CHD7: variants seen among roughly 807,000 people sequenced by gnomAD.
CHD7 encodes the protein ATP-dependent chromatin remodeler CHD7.
A neutral mutation model predicts 307.3 loss-of-function variants in CHD7; 24 were observed. The ratio of observed to expected loss-of-function variants is 0.08; its 90% CI spans 0.06 to 0.11. CHD7 has a LOEUF of 0.11. Ranked by LOEUF, CHD7 falls within the 10% of genes least tolerant of loss-of-function variation. CHD7 has a pLI of 1.00. For synonymous variants in CHD7, 1,363 were observed against 1,349.9 expected (o/e 1.01, Z -0.21); for missense variants, 3,106 against 3,727.1 (o/e 0.83, Z 4.34).
rs1162707361 is a variant in CHD7, at chr8:60,865,945, T to G, written c.*12T>G. 6.3e-7 allele frequency: 1 copy of G among 1,584,220 alleles called. No individual in the cohort carries two copies. The highest frequency in any genetic ancestry group is 8.6e-7 in the Non-Finnish European group (1 of 1,164,364). On this transcript the variant is annotated 3_prime_UTR_variant, in exon 38 of 38. Transcript: ENST00000423902. The surrounding 1 kb of genome is among the most constrained non-coding windows in gnomAD (Gnocchi z 4.3). Reference sequence around the variant, plus strand: ...AAAATGATGAATAACCAGTACCAGTTCCAGTTCAAGTGTTTAAAACTTTTG... The same window carrying G: ...AAAATGATGAATAACCAGTACCAGTGCCAGTTCAAGTGTTTAAAACTTTTG...
Position 60,718,487 on chromosome 8 carries a change from AAAAG to A in CHD7, c.-174-22767_-174-22764del, listed in dbSNP as rs549272780. ...GAGACTCCATCTCAAAAGAAAAAAA[AAAAG>A]AAAGTTTGAAAAGTAAAAAACTAAA... On this transcript the variant is annotated intron_variant, in intron 1 of 37. Coordinates refer to ENST00000423902, the MANE Select transcript of CHD7 (RefSeq NM_017780.4). 3.0e-4 allele frequency among the ~76,000 whole-genome samples: 46 copies of A among 152,294 alleles called. No homozygotes were observed. In the South Asian group the frequency reaches 6.4e-3, roughly 21 times the overall value.
rs539860208 is a variant in CHD7, at chr8:60,760,329, T to C, written c.1665+17232T>C. Among the ~76,000 whole-genome samples the C allele has an allele frequency of 2.5e-4, 38 of 150,984 alleles. No individual in the cohort carries two copies. The East Asian group carries it at 5.8e-3, about 23-fold the overall frequency. ...AACTGGATCCCTTCCTTACACCTTATACAAAAATCAATTCAAGATGGATTA... is the reference window on the plus strand; with the variant it reads ...AACTGGATCCCTTCCTTACACCTTACACAAAAATCAATTCAAGATGGATTA... On this transcript the variant is annotated intron_variant, in intron 2 of 37. Coordinates refer to ENST00000423902, the MANE Select transcript of CHD7 (RefSeq NM_017780.4).
intron 6 of CHD7, among the ~76,000 whole-genome samples, chr8:60,803,582 A>C (rs1465259829): frequency 6.6e-6 from 1 of 152,172 alleles, no homozygotes; most frequent in African/African-American, 2.4e-5. Context: ...AAATTAATGG[A>C]AAAAATTCTT....
chr8:60,834,088 G>C (rs897133530), intron 15 of CHD7, among the ~76,000 whole-genome samples: 5 of 151,938 alleles, frequency 3.3e-5, no homozygotes, highest in African/African-American at 1.2e-4. Flanking sequence ...TATTCTTTTT[G>C]ATAGTATAAA....
At chr8:60,831,746 G>A (rs1426794014) in intron 15 of CHD7, among the ~76,000 whole-genome samples, 1 of 152,100 alleles carries the variant, frequency 6.6e-6, no homozygotes, top group African/African-American at 2.4e-5. Flanking sequence ...TGTACACGAT[G>A]ATAGTTGGCC....
At chr8:60,776,206 G>C (rs774675103) in intron 2 of CHD7, among the ~76,000 whole-genome samples, 3 of 152,116 alleles carry the variant, frequency 2.0e-5, no homozygotes, top group Non-Finnish European at 4.4e-5. Context: ...AAATTGTTAA[G>C]AATGAGCTGA....
chr8:60,681,550 C>G (rs1011263036), intron 1 of CHD7, among the ~76,000 whole-genome samples: 1 of 152,018 alleles, frequency 6.6e-6, no homozygotes, highest in African/African-American at 2.4e-5. Context: ...AAAAATCTGT[C>G]TTGTAGAAAA....
intron 1 of CHD7, among the ~76,000 whole-genome samples, chr8:60,714,312 T>C (rs1409330830): frequency 6.8e-6 from 1 of 146,790 alleles, no homozygotes; most frequent in Non-Finnish European, 1.5e-5. Context: ...CTTCACCTCA[T>C]GCCCGCCTCA....
intron 1 of CHD7, among the ~76,000 whole-genome samples, chr8:60,710,845 A>G (rs1807252591): frequency 6.6e-6 from 1 of 152,240 alleles, no homozygotes; most frequent in Non-Finnish European, 1.5e-5. Flanking sequence ...GAAAATGCAT[A>G]CTATGTGCAG....
At chr8:60,690,275 A>G (rs1213478717) in intron 1 of CHD7, among the ~76,000 whole-genome samples, 2 of 152,066 alleles carry the variant, frequency 1.3e-5, no homozygotes, top group Non-Finnish European at 2.9e-5. Context: ...TGGATTTTGT[A>G]CATGTTTATA....
intron 1 of CHD7, among the ~76,000 whole-genome samples, chr8:60,695,132 A>G (rs1399377221): frequency 6.6e-6 from 1 of 152,160 alleles, no homozygotes; most frequent in Non-Finnish European, 1.5e-5. Flanking sequence ...TCCTTTCGAG[A>G]GAAGTAAGGT....
At chr8:60,700,316 A>G (rs1806698243) in intron 1 of CHD7, among the ~76,000 whole-genome samples, 1 of 152,170 alleles carries the variant, frequency 6.6e-6, no homozygotes, top group African/African-American at 2.4e-5. Flanking sequence ...TCTTAGAGTA[A>G]TTATAACTGC....
At chr8:60,700,968 T>G (rs1196235196) in intron 1 of CHD7, among the ~76,000 whole-genome samples, 1 of 152,242 alleles carries the variant, frequency 6.6e-6, no homozygotes, top group African/African-American at 2.4e-5. Flanking sequence ...ATTTGAATTC[T>G]GTCTCAGGTT....
chr8:60,771,199 G>A (rs1810691331), intron 2 of CHD7, among the ~76,000 whole-genome samples: 1 of 152,128 alleles, frequency 6.6e-6, no homozygotes, highest in South Asian at 2.1e-4. Flanking sequence ...ACTAGGAAAG[G>A]GGAATCCTAG....
In CHD7 at chr8:60,822,085, A is replaced by G. The variant is rs530869262; in HGVS notation, c.2897A>G (p.Asn966Ser). The G allele has an allele frequency of 3.1e-6, 5 of 1,613,844 alleles. No homozygotes were observed. The South Asian group carries it at 4.4e-5, about 14-fold the overall frequency. The change falls in exon 11 of 38, where the codon AAC (asparagine) becomes AGC (serine). Residue 966 changes from asparagine to serine, a missense_variant. Asn to Ser is a conservative substitution (Grantham distance 46). Transcript: ENST00000423902. ...SESSREYKNN[N>S]KLREYQLEGV... ...AGTTCCAGGGAGTATAAAAACAATA[A>G]CAAACTCAGGGAATACCAGTTGGAG...
rs28539276 is a variant in CHD7 at position 60,824,224 on chromosome 8, A to G, written c.3378+208A>G. 16,722 of 532,616 alleles carry G rather than the reference A, an allele frequency of 0.031. 1,371 individuals are homozygous for G. Among genetic ancestry groups the G allele is most frequent in the African/African-American group, 0.22 (11,829 of 53,014 alleles). 33.0% of individuals were successfully genotyped at this position (532,616 alleles called of 1,614,324 possible). On this transcript the variant is annotated intron_variant, in intron 13 of 37. Transcript: ENST00000423902. ...CTAGTGTCTGTTAAACAGTTGTATT[A>G]TAGCAGAGTGTAATCATGATAGTTT...
chr8:60,856,502 G>A lies in CHD7; in HGVS notation c.7222G>A (p.Glu2408Lys), dbSNP rs1341064149. ...RQRRRRRRKI[E>K]IEAERAAKRR... ...GCGGAGGAGGAGGAGGAGAAAAATC[G>A]AAATTGAGGCCGAAAGAGCTGCCAA... The change falls in exon 34 of 38, where the codon GAA becomes AAA. Residue 2408 changes from glutamate to lysine, a missense_variant. Glu to Lys is a moderately conservative substitution (Grantham distance 56). This residue lies in a region of CHD7 where 1,030 missense variants were observed against 1,165.4 expected (regional missense o/e 0.88). Transcript: ENST00000423902. 10 of 1,613,794 alleles carry A rather than the reference G, an allele frequency of 6.2e-6. No homozygotes were observed. The highest frequency in any genetic ancestry group is 7.6e-6 in the Non-Finnish European group (9 of 1,179,812).
intron 7 of CHD7, among the ~76,000 whole-genome samples, chr8:60,809,917 A>AT (rs1369459504): frequency 1.3e-5 from 2 of 152,126 alleles, no homozygotes; most frequent in Non-Finnish European, 2.9e-5. Flanking sequence ...CTAAGGGGTG[A>AT]TTTACTAATT....
chr8:60,841,409 T>G (rs1343970042), intron 19 of CHD7, among the ~76,000 whole-genome samples: 1 of 152,230 alleles, frequency 6.6e-6, no homozygotes, highest in Non-Finnish European at 1.5e-5. Flanking sequence ...CTTGCACTGG[T>G]CTATACACTT....
Sources: allele counts gnomAD v4.1 joint callset (sites outside exome capture counted in the v4.1 genomes callset), GRCh38; gene constraint gnomAD v4.1.1; regional missense constraint gnomAD v4.1.1; non-coding constraint Gnocchi (gnomAD v3.1); transcripts MANE v1.5; gene names NCBI Gene and HGNC (gene_info 2026-07-23, HGNC 2026-07-21).